TNR: variants seen among roughly 807,000 people sequenced by gnomAD.
TNR encodes the protein tenascin R.
A neutral mutation model predicts 150.4 loss-of-function variants in TNR; 45 were observed. The observed-to-expected ratio is 0.30, with a 90% CI of 0.24 to 0.38. The LOEUF is 0.38. Ranked by LOEUF, TNR falls within the 10% of genes least tolerant of loss-of-function variation. The pLI is 1.00. For synonymous variants in TNR, 687 were observed against 678.4 expected, an observed-to-expected ratio of 1.01 and a Z score of -0.20; for missense variants, 1,544 against 1,759.1, an observed-to-expected ratio of 0.88 and a Z score of 2.19.
intron 16 of TNR, 127 bp downstream of exon 16, chr1:175,356,192 C>A: frequency 7.5e-7 from 1 of 1,337,650 alleles, no homozygotes; most frequent in Non-Finnish European, 1.0e-6. Flanking sequence ...GTAGTCAGTC[C>A]AAATAAGAAC....
At chr1:175,604,793 C>G (rs1253956084) in intron 1 of TNR, among the ~76,000 whole-genome samples, 2 of 152,150 alleles carry the variant, frequency 1.3e-5, no homozygotes, top group Non-Finnish European at 2.9e-5. Flanking sequence ...GGGTCCCTAG[C>G]GCCCTCATTC....
At chr1:175,371,670 C>T (rs1221344675) in intron 9 of TNR, among the ~76,000 whole-genome samples, 5 of 152,126 alleles carry the variant, frequency 3.3e-5, no homozygotes, top group African/African-American at 9.7e-5. Flanking sequence ...AAGATTCACA[C>T]GTTATTTAAT....
At chr1:175,509,031 C>T (rs1445732756) in intron 2 of TNR, among the ~76,000 whole-genome samples, 1 of 152,172 alleles carries the variant, frequency 6.6e-6, no homozygotes, top group African/African-American at 2.4e-5. Flanking sequence ...TCTTTGAAGG[C>T]AGGGACTGTA....
At chr1:175,538,587 T>C (rs1408341992) in intron 1 of TNR, among the ~76,000 whole-genome samples, 2 of 152,128 alleles carry the variant, frequency 1.3e-5, no homozygotes, top group East Asian at 1.9e-4. Context: ...TGTTTTAGAG[T>C]GCATGATTAC....
chr1:175,460,406 G>A (rs555447491), intron 2 of TNR, among the ~76,000 whole-genome samples: 1 of 152,084 alleles, frequency 6.6e-6, no homozygotes, highest in East Asian at 1.9e-4. Context: ...CACCAAGAAG[G>A]AAGAGGAACC....
intron 1 of TNR, among the ~76,000 whole-genome samples, chr1:175,687,860 C>T (rs1334405303): frequency 3.3e-5 from 5 of 151,914 alleles, no homozygotes; most frequent in Non-Finnish European, 7.4e-5. Flanking sequence ...CCCCCCACCA[C>T]ACCCTCCCCT....
At chr1:175,406,194 G>A (rs775773485) in intron 3 of TNR, 22 bp downstream of exon 3, 21 of 1,605,396 alleles carry the variant, frequency 1.3e-5, no homozygotes, top group Non-Finnish European at 1.7e-5. Flanking sequence ...CTGAGACCAC[G>A]CTGCGAGCTC....
At chr1:175,617,240 A>G (rs1663808368) in intron 1 of TNR, among the ~76,000 whole-genome samples, 1 of 152,202 alleles carries the variant, frequency 6.6e-6, no homozygotes, top group Non-Finnish European at 1.5e-5. Flanking sequence ...ACACAAAAAT[A>G]TCTCTTCCTC....
At chr1:175,449,227 C>T (rs972175805) in intron 2 of TNR, among the ~76,000 whole-genome samples, 6 of 152,202 alleles carry the variant, frequency 3.9e-5, no homozygotes, top group Non-Finnish European at 5.9e-5. Context: ...TGGTAAAAAA[C>T]ATTTTTCCCA....
At chr1:175,516,466 T>G (rs888111999) in intron 2 of TNR, among the ~76,000 whole-genome samples, 14 of 152,180 alleles carry the variant, frequency 9.2e-5, no homozygotes, top group African/African-American at 3.4e-4. Flanking sequence ...GACTGTGTGG[T>G]CCATTTCCTG....
chr1:175,539,570 AC>A (rs1419108510), intron 1 of TNR, among the ~76,000 whole-genome samples: 2 of 152,188 alleles, frequency 1.3e-5, no homozygotes, highest in Non-Finnish European at 1.5e-5. Flanking sequence ...AGGTCTCATG[AC>A]CTAGGATCCA....
chr1:175,720,042 T>A (rs1667258000), intron 1 of TNR, among the ~76,000 whole-genome samples: 1 of 152,234 alleles, frequency 6.6e-6, no homozygotes, highest in African/African-American at 2.4e-5. Context: ...TTTCCAGCAC[T>A]GTCTCACTCA....
intron 2 of TNR, among the ~76,000 whole-genome samples, chr1:175,501,507 A>G (rs1438777207): frequency 6.6e-6 from 1 of 152,218 alleles, no homozygotes; most frequent in East Asian, 1.9e-4. Context: ...CAGCCTTGTG[A>G]GGCCTGGGCA....
chr1:175,511,208 T>A (rs1472737011), intron 2 of TNR, among the ~76,000 whole-genome samples: 2 of 152,096 alleles, frequency 1.3e-5, no homozygotes, highest in African/African-American at 4.8e-5. Context: ...AAAACAAAGC[T>A]CTGCTGCAAT....
intron 1 of TNR, among the ~76,000 whole-genome samples, chr1:175,655,031 C>A (rs1571719234): frequency 6.6e-6 from 1 of 152,110 alleles, no homozygotes. Context: ...CCAAAAGGTC[C>A]CTTCTATCAA....
intron 21 of TNR, among the ~76,000 whole-genome samples, chr1:175,325,784 A>C (rs1024517151): frequency 6.6e-6 from 1 of 151,320 alleles, no homozygotes; most frequent in African/African-American, 2.4e-5. Flanking sequence ...AACCAAACAC[A>C]GCATGTTCTC....
intron 1 of TNR, among the ~76,000 whole-genome samples, chr1:175,579,855 C>T (rs577635336): frequency 6.6e-6 from 1 of 152,188 alleles, no homozygotes; most frequent in South Asian, 2.1e-4. Flanking sequence ...GCCTTTTATC[C>T]TTCCATTGCT....
At chr1:175,323,783 G>A (rs1458155073) in intron 22 of TNR, among the ~76,000 whole-genome samples, 4 of 152,160 alleles carry the variant, frequency 2.6e-5, no homozygotes, top group African/African-American at 9.7e-5. Flanking sequence ...ATCCCAACAG[G>A]GTGGAAGCAT....
intron 2 of TNR, among the ~76,000 whole-genome samples, chr1:175,478,476 C>A (rs1041361748): frequency 6.6e-6 from 1 of 152,192 alleles, no homozygotes; most frequent in East Asian, 1.9e-4. Flanking sequence ...TGATTATGTG[C>A]TTTGTAAACA....
Sources: gnomAD v4.1 joint callset for allele counts (sites outside exome capture counted in the v4.1 genomes callset) on GRCh38, gnomAD v4.1.1 for gene constraint, MANE v1.5 for transcripts, NCBI Gene and HGNC (gene_info 2026-07-23, HGNC 2026-07-21) for gene names.